CCDC91: variants seen among roughly 807,000 people sequenced by gnomAD.
CCDC91 encodes coiled-coil domain containing 91.
Under a neutral mutation model 63.2 loss-of-function variants are expected in CCDC91, and 48 were observed. The ratio of observed to expected loss-of-function variants is 0.76; its 90% CI spans 0.60 to 0.97. The LOEUF is 0.97. CCDC91 is among the 50% of genes least tolerant of loss of function. CCDC91 has a pLI of 0.00. For synonymous variants in CCDC91, 167 were observed against 165.8 expected, an observed-to-expected ratio of 1.01 and a Z score of -0.06; for missense variants, 500 against 494.6, an observed-to-expected ratio of 1.01 and a Z score of -0.10.
At chr12:28,445,141 T>G (rs1565984232) in intron 8 of CCDC91, among the ~76,000 whole-genome samples, 2 of 152,234 alleles carry the variant, frequency 1.3e-5, no homozygotes, top group African/African-American at 4.8e-5. Flanking sequence ...ATGTACTGTT[T>G]TAGGAACTAA....
chr12:28,347,760 G>C (rs1333513716), intron 6 of CCDC91, among the ~76,000 whole-genome samples: 1 of 151,948 alleles, frequency 6.6e-6, no homozygotes, highest in Non-Finnish European at 1.5e-5. Context: ...ATCAGGTAGG[G>C]GAAAAAAAGA....
At position 28,305,422 on chromosome 12, in the gene CCDC91, G is replaced by C. The variant is rs145871660; in HGVS notation, c.110-227G>C. Among the ~76,000 whole-genome samples the C allele has an allele frequency of 3.9e-5, 6 of 152,090 alleles. No homozygotes were observed. The East Asian group carries it at 1.2e-3, about 29-fold the overall frequency. On this transcript the variant is annotated intron_variant, in intron 3 of 12. Transcript: ENST00000536442. The stretch of plus-strand genomic sequence containing the variant: ...CTTTATAAAACTATTTTGTTTGCCT[G>C]GATCTTACATGGAAGTGTCATGTTA...
At chr12:28,279,155 CT>C (rs529303442) in intron 3 of CCDC91, among the ~76,000 whole-genome samples, 123 of 147,780 alleles carry the variant, frequency 8.3e-4, no homozygotes, top group African/African-American at 2.4e-3. Flanking sequence ...TTTGTGAAGT[CT>C]TTTTTTTTTA....
intron 8 of CCDC91, among the ~76,000 whole-genome samples, chr12:28,447,804 A>G (rs1346844304): frequency 3.7e-4 from 3 of 8,190 alleles, no homozygotes; most frequent in Admixed American, 2.1e-3. Context: ...AGGGGAGGGG[A>G]GGGGAGGGAG....
At chr12:28,532,423 A>G (rs1352736585) in intron 12 of CCDC91, among the ~76,000 whole-genome samples, 1 of 152,144 alleles carries the variant, frequency 6.6e-6, no homozygotes, top group Non-Finnish European at 1.5e-5. Flanking sequence ...TTACAGTCAT[A>G]GCAATTATTT....
chr12:28,414,596 T>C (rs1156443862), intron 8 of CCDC91, among the ~76,000 whole-genome samples: 1 of 152,204 alleles, frequency 6.6e-6, no homozygotes, highest in Non-Finnish European at 1.5e-5. Context: ...TGTCACATGA[T>C]TCTTTTCTGT....
chr12:28,298,069 A>C (rs994193585), intron 3 of CCDC91, among the ~76,000 whole-genome samples: 1 of 151,800 alleles, frequency 6.6e-6, no homozygotes, highest in African/African-American at 2.4e-5. Context: ...AAAAAAATCT[A>C]GTTCTCACTT....
At chr12:28,196,446 T>C (rs541084778) in intron 1 of CCDC91, among the ~76,000 whole-genome samples, 17 of 152,228 alleles carry the variant, frequency 1.1e-4, no homozygotes, top group Non-Finnish European at 2.5e-4. Context: ...TATTTTGTTT[T>C]CTTGTCTCTT....
intron 1 of CCDC91, among the ~76,000 whole-genome samples, chr12:28,208,547 A>T (rs1196702941): frequency 6.6e-6 from 1 of 152,202 alleles, no homozygotes; most frequent in Non-Finnish European, 1.5e-5. Context: ...TGGATGTCAG[A>T]AAAGACCATT....
intron 6 of CCDC91, among the ~76,000 whole-genome samples, chr12:28,330,797 C>T (rs1194282758): frequency 6.6e-6 from 1 of 152,144 alleles, no homozygotes; most frequent in East Asian, 1.9e-4. Context: ...ATAAATACTA[C>T]ACTTTAGATT....
At chr12:28,224,794 G>A (rs1944167113) in intron 1 of CCDC91, among the ~76,000 whole-genome samples, 1 of 152,216 alleles carries the variant, frequency 6.6e-6, no homozygotes, top group South Asian at 2.1e-4. Context: ...GTAGGAAAAA[G>A]CTTAATGTGT....
At chr12:28,464,564 G>A (rs1387953729) in intron 11 of CCDC91, among the ~76,000 whole-genome samples, 1 of 152,176 alleles carries the variant, frequency 6.6e-6, no homozygotes, top group Non-Finnish European at 1.5e-5. Flanking sequence ...CCTAGCTCCT[G>A]GGCGACATTT....
intron 1 of CCDC91, among the ~76,000 whole-genome samples, chr12:28,227,727 A>T (rs1237788062): frequency 1.3e-5 from 2 of 152,044 alleles, no homozygotes; most frequent in African/African-American, 4.8e-5. Context: ...GATTTCCCTC[A>T]AACTAGCCTA....
chr12:28,425,398 C>T (rs546381951), intron 8 of CCDC91, among the ~76,000 whole-genome samples: 1 of 152,168 alleles, frequency 6.6e-6, no homozygotes, highest in Non-Finnish European at 1.5e-5. Context: ...TAGCCCTCTC[C>T]CCTTTCTTCC....
Position 28,527,566 on chromosome 12 carries a change from G to C in CCDC91, c.1216-21497G>C, listed in dbSNP as rs78853745. On this transcript the variant is annotated intron_variant, in intron 12 of 12. Coordinates refer to ENST00000536442, the MANE Select transcript of CCDC91 (RefSeq NM_018318.5). Reference sequence around the variant, plus strand: ...TTTGGTTGATTAGTGTGCTATTTTTGTGCTGGTTGACCTGCTGGGAAGTGG... The same window carrying C: ...TTTGGTTGATTAGTGTGCTATTTTTCTGCTGGTTGACCTGCTGGGAAGTGG... Among the ~76,000 whole-genome samples, 1,130 of 152,228 alleles carry C rather than the reference G, an allele frequency of 7.4e-3. 18 individuals carry two copies. The highest frequency in any genetic ancestry group is 0.026 in the African/African-American group (1,098 of 41,532).
chr12:28,286,107 C>T (rs1948899384), intron 3 of CCDC91, among the ~76,000 whole-genome samples: 1 of 151,816 alleles, frequency 6.6e-6, no homozygotes. Flanking sequence ...GTCAAGGGAA[C>T]ACAAAGAGCT....
intron 11 of CCDC91, among the ~76,000 whole-genome samples, chr12:28,475,377 T>C (rs1308377296): frequency 6.6e-6 from 1 of 152,130 alleles, no homozygotes; most frequent in Non-Finnish European, 1.5e-5. Context: ...AGAGTATTCA[T>C]GAAAATATTT....
intron 6 of CCDC91, among the ~76,000 whole-genome samples, chr12:28,344,008 C>CA (rs1209957570): frequency 6.6e-6 from 1 of 151,956 alleles, no homozygotes; most frequent in Non-Finnish European, 1.5e-5. Context: ...TTTTATAAGT[C>CA]ACAAATAATT....
At chr12:28,436,442 T>C (rs1290702997) in intron 8 of CCDC91, among the ~76,000 whole-genome samples, 1 of 151,876 alleles carries the variant, frequency 6.6e-6, no homozygotes, top group Non-Finnish European at 1.5e-5. Context: ...ATTTCACTTA[T>C]ACTCAGCAGA....
Sources: allele counts gnomAD v4.1 joint callset (sites outside exome capture counted in the v4.1 genomes callset), GRCh38; gene constraint gnomAD v4.1.1; transcripts MANE v1.5; gene names NCBI Gene and HGNC (gene_info 2026-07-23, HGNC 2026-07-21).